Variants in PIWIL2 observed in about 807,000 individuals in gnomAD.
PIWIL2 encodes the protein piwi like RNA-mediated gene silencing 2, also known as piwi-like protein 2.
PIWIL2 carries 81 observed loss-of-function variants against 116.5 expected under a neutral mutation model. The observed-to-expected ratio is 0.70, with a 90% CI of 0.58 to 0.84. The LOEUF is 0.84. PIWIL2 is among the 40% of genes least tolerant of loss of function. The pLI, the probability that PIWIL2 is intolerant of heterozygous loss-of-function variation, is 0.00. For missense variants in PIWIL2, 1,272 were observed against 1,212.3 expected (o/e 1.05, Z -0.73); for synonymous variants, 489 against 429.5 (o/e 1.14, Z -1.71).
Position 22,304,275 on chromosome 8 carries a change from G to C in PIWIL2, c.1370+66G>C, listed in dbSNP as rs928264064. 3.0e-6 allele frequency: 3 copies of C among 1,013,848 alleles called. No individual in the cohort carries two copies. In the African/African-American group the frequency reaches 4.8e-5, roughly 16 times the overall value. The allele number at this position is 1,013,848 out of a possible 1,614,324, so 62.8% of individuals were successfully genotyped here. A position where few individuals can be genotyped will look rare whatever the true frequency, so the allele number is the denominator to read the frequency against. On this transcript the variant is annotated intron_variant, in intron 11 of 22. Coordinates refer to ENST00000356766, the MANE Select transcript of PIWIL2 (RefSeq NM_018068.5). ...TGGATGTAGTCCACGTTCTCCAGCA[G>C]ATATTGAGTTCTGCAATAGCATACC...
rs752385770 is a variant in PIWIL2 at position 22,318,214 on chromosome 8, AT to A, written c.2343del (p.Gln782ArgfsTer7). 1 of 1,613,912 alleles carries A rather than the reference AT, an allele frequency of 6.2e-7. No homozygotes were observed. Among genetic ancestry groups the A allele is most frequent in the East Asian group, 2.2e-5 (1 of 44,884 alleles). Reference sequence around the variant, plus strand: ...TCCCGGGTGGTGTTCCAGATGCCGCATCAGGAGATTGTGGACAGCCTGAAGC... The same window carrying A: ...TCCCGGGTGGTGTTCCAGATGCCGCACAGGAGATTGTGGACAGCCTGAAGC... Reference protein sequence around the residue: ...WYSRVVFQMPHQEIVDSLKLC... With the variant: ...WYSRVVFQMPXQEIVDSLKLC... On this transcript the variant is annotated frameshift_variant, in exon 20 of 23. Transcript: ENST00000356766. LOFTEE classifies it high-confidence loss of function.
At chr8:22,288,438 A>G (rs1212645801) in intron 7 of PIWIL2, 104 bp from the exon 8 acceptor site, 11 of 793,158 alleles carry the variant, frequency 1.4e-5, no homozygotes, top group Non-Finnish European at 1.9e-5. Context: ...AAAATGTTTT[A>G]AGATACTTTA....
In PIWIL2 at chr8:22,288,601, G is replaced by C. The variant is rs1236849462; in HGVS notation, c.921G>C (p.Gln307His). The change falls in exon 8 of 23, where the codon CAG (glutamine) becomes CAC (histidine). Residue 307 changes from glutamine to histidine, a missense_variant. Gln to His is a conservative substitution (Grantham distance 24, BLOSUM62 0). Transcript: ENST00000356766. ...GTGCTGAAATCAGCATTAAGATTCAGATGACAAAGATCCTGGAGCCCTGCT... is the reference window on the plus strand; with the variant it reads ...GTGCTGAAATCAGCATTAAGATTCACATGACAAAGATCCTGGAGCCCTGCT... ...TDSAEISIKIQMTKILEPCSD... is the reference protein window; with the variant it reads ...TDSAEISIKIHMTKILEPCSD... 6.2e-7 allele frequency: 1 copy of C among 1,613,314 alleles called. No homozygotes were observed. The highest frequency in any genetic ancestry group is 8.5e-7 in the Non-Finnish European group (1 of 1,179,238).
At chr8:22,308,772 C>T (rs565341514) in intron 14 of PIWIL2, among the ~76,000 whole-genome samples, 15 of 152,166 alleles carry the variant, frequency 9.9e-5, no homozygotes, top group African/African-American at 3.6e-4. Flanking sequence ...TCTCAGCCTC[C>T]CGAATAGTTG....
chr8:22,325,515 A>G (rs929936190), intron 20 of PIWIL2, among the ~76,000 whole-genome samples: 4 of 112,336 alleles, frequency 3.6e-5, no homozygotes, highest in African/African-American at 1.4e-4. Context: ...AGACAGTCTC[A>G]TTCTGTCACC....
At chr8:22,290,612 A>AC (rs1830737403) in intron 10 of PIWIL2, among the ~76,000 whole-genome samples, 1 of 124,072 alleles carries the variant, frequency 8.1e-6, no homozygotes, top group African/African-American at 2.9e-5. Context: ...GCCAATTTTT[A>AC]ATTTTTTTTT....
intron 20 of PIWIL2, among the ~76,000 whole-genome samples, chr8:22,332,399 G>C (rs1831882578): frequency 6.6e-6 from 1 of 152,060 alleles, no homozygotes; most frequent in Non-Finnish European, 1.5e-5. Flanking sequence ...GGCTCAGAAG[G>C]AGGTTAAAGA....
intron 9 of PIWIL2, 125 bp from the exon 10 acceptor site, chr8:22,290,108 T>G: frequency 1.4e-6 from 1 of 712,846 alleles, no homozygotes; most frequent in East Asian, 2.7e-5. Flanking sequence ...ATTAACTTAG[T>G]TTCTTGAGGC....
Position 22,284,159 on chromosome 8 carries a change from T to C in PIWIL2, c.633-3T>C. 6.5e-7 allele frequency: 1 copy of C among 1,544,892 alleles called. No homozygotes were observed. Among genetic ancestry groups the C allele is most frequent in the Non-Finnish European group, 8.8e-7 (1 of 1,140,196 alleles). Reference sequence around the variant, plus strand: ...GCAGTTGCTTTTTGTTTTTATTTTCTAGAGAGCTTATTGTGAAGCAAGGAT... The same window carrying C: ...GCAGTTGCTTTTTGTTTTTATTTTCCAGAGAGCTTATTGTGAAGCAAGGAT... On this transcript the variant is annotated splice_polypyrimidine_tract_variant and splice_region_variant and intron_variant, in intron 5 of 22. Transcript: ENST00000356766.
intron 16 of PIWIL2, among the ~76,000 whole-genome samples, chr8:22,313,216 C>T (rs1203768788): frequency 2.0e-5 from 3 of 152,154 alleles, no homozygotes; most frequent in Admixed American, 6.5e-5. Context: ...ATTCCATTAT[C>T]ATCTCTATGA....
intron 20 of PIWIL2, among the ~76,000 whole-genome samples, chr8:22,336,759 T>C (rs1831989435): frequency 6.6e-6 from 1 of 152,080 alleles, no homozygotes. Context: ...TATTAGTAGA[T>C]ATTAGAGCAT....
At chr8:22,282,074 CTTTTTTTTTTTTT>C (rs397963368) in intron 4 of PIWIL2, among the ~76,000 whole-genome samples, 2 of 88,820 alleles carry the variant, frequency 2.3e-5, no homozygotes, top group Non-Finnish European at 4.0e-5. Flanking sequence ...TGTGCGTGGA[CTTTTTTTTTTTTT>C]TTTTTTTTTA....
intron 20 of PIWIL2, among the ~76,000 whole-genome samples, chr8:22,328,993 A>G (rs1418169019): frequency 3.3e-5 from 5 of 151,514 alleles, no homozygotes; most frequent in Non-Finnish European, 7.4e-5. Context: ...TAGGATTTCT[A>G]TTATGGTATT....
intron 20 of PIWIL2, among the ~76,000 whole-genome samples, chr8:22,329,897 G>C (rs987681423): frequency 6.6e-6 from 1 of 152,286 alleles, no homozygotes; most frequent in African/African-American, 2.4e-5. Context: ...TGGAGACCCA[G>C]GGGATAGCTG....
chr8:22,332,478 A>G (rs1831884500), intron 20 of PIWIL2, among the ~76,000 whole-genome samples: 1 of 152,134 alleles, frequency 6.6e-6, no homozygotes, highest in South Asian at 2.1e-4. Flanking sequence ...CAAACCATAG[A>G]TTCAGAAAGC....
Position 22,306,065 on chromosome 8 carries a change from C to T in PIWIL2, c.1545+49C>T, listed in dbSNP as rs1209251377. Reference sequence around the variant, plus strand: ...GGAAATGCCCACTTTGTGAGGCAGCCTTTTGGTTAACAGTTTGAGTTAGAA... The same window carrying T: ...GGAAATGCCCACTTTGTGAGGCAGCTTTTTGGTTAACAGTTTGAGTTAGAA... On this transcript the variant is annotated intron_variant, in intron 13 of 22. Transcript: ENST00000356766. 11 of 1,329,946 alleles carry T rather than the reference C, an allele frequency of 8.3e-6. No individual in the cohort carries two copies. In the East Asian group the frequency reaches 2.5e-4, roughly 31 times the overall value. The allele number at this position is 1,329,946 out of a possible 1,614,324, so 82.4% of individuals were successfully genotyped here. A position where few individuals can be genotyped will look rare whatever the true frequency, so the allele number is the denominator to read the frequency against.
chr8:22,321,037 CAGTT>C (rs969599215), intron 20 of PIWIL2, among the ~76,000 whole-genome samples: 3 of 152,160 alleles, frequency 2.0e-5, no homozygotes, highest in African/African-American at 7.2e-5. Context: ...AGTCAATTAA[CAGTT>C]TGTTTTGGTC....
At chr8:22,317,996 A>C (rs1831504706) in intron 19 of PIWIL2, among the ~76,000 whole-genome samples, 174 bp from the exon 20 acceptor site, 1 of 152,138 alleles carries the variant, frequency 6.6e-6, no homozygotes, top group Non-Finnish European at 1.5e-5. Flanking sequence ...ATATGACTTA[A>C]ATATGTCTTT....
At position 22,290,247 on chromosome 8, in the gene PIWIL2, C is replaced by G. The variant is rs373581975; in HGVS notation, c.1082C>G (p.Pro361Arg). The G allele has an allele frequency of 5.6e-6, 9 of 1,605,824 alleles. No individual in the cohort carries two copies. Among genetic ancestry groups the G allele is most frequent in the Non-Finnish European group, 7.7e-6 (9 of 1,173,154 alleles). ...TCTCTCTCCAGATTGCAGATCTGGC[C>G]AGGCTATGCAGCTAGCATCCGAAGG... Reference protein sequence around the residue: ...VLQQHRLQIWPGYAASIRRTD... With the variant: ...VLQQHRLQIWRGYAASIRRTD... The change falls in exon 10 of 23, where the codon CCA (proline) becomes CGA (arginine). Residue 361 changes from proline to arginine, a missense_variant. Physicochemically the swap from Pro to Arg is moderately radical, Grantham distance 103. Transcript: ENST00000356766.
Sources: gnomAD v4.1 joint callset for allele counts (sites outside exome capture counted in the v4.1 genomes callset) on GRCh38, gnomAD v4.1.1 for gene constraint, MANE v1.5 for transcripts, NCBI Gene and HGNC (gene_info 2026-07-23, HGNC 2026-07-21) for gene names.